TRHDE: variants seen among roughly 807,000 people sequenced by gnomAD.
TRHDE encodes the protein thyrotropin-releasing hormone-degrading ectoenzyme.
In TRHDE, 72 loss-of-function variants were observed where a neutral mutation model predicts 125.7. The observed-to-expected ratio is 0.57, with a 90% CI of 0.47 to 0.70. TRHDE has a LOEUF of 0.70. TRHDE is among the 30% of genes least tolerant of loss of function. The probability of loss-of-function intolerance (pLI) is 0.00; values close to 1 mark genes in which losing one functional copy is unlikely to be tolerated. For missense variants in TRHDE, 1,110 were observed against 1,327.1 expected (o/e 0.84, Z 2.54); for synonymous variants, 509 against 509.1 (o/e 1.00, Z 0.00).
At chr12:72,574,345 T>C (rs1024787974) in intron 10 of TRHDE, among the ~76,000 whole-genome samples, 1 of 151,976 alleles carries the variant, frequency 6.6e-6, no homozygotes, top group Admixed American at 6.6e-5. Context: ...ACCCATGTGG[T>C]TTTGATTTTT....
At chr12:72,288,919 A>C (rs1879989964) in intron 2 of TRHDE, among the ~76,000 whole-genome samples, 3 of 152,292 alleles carry the variant, frequency 2.0e-5, no homozygotes, top group Admixed American at 2.0e-4. Context: ...AAAATTTTAG[A>C]TTGCATAACC....
chr12:72,174,363 T>C (rs1876942316), intron 2 of TRHDE, among the ~76,000 whole-genome samples: 1 of 152,214 alleles, frequency 6.6e-6, no homozygotes, highest in African/African-American at 2.4e-5. Flanking sequence ...GGTGGTTTAT[T>C]TGCACAGCAG....
intron 2 of TRHDE, among the ~76,000 whole-genome samples, chr12:72,185,212 T>G (rs1432049660): frequency 6.6e-6 from 1 of 152,206 alleles, no homozygotes; most frequent in African/African-American, 2.4e-5. Context: ...GAGGGTGTAC[T>G]GGGTCCCCCA....
At chr12:72,360,205 C>T in intron 2 of TRHDE, among the ~76,000 whole-genome samples, 1 of 151,592 alleles carries the variant, frequency 6.6e-6, no homozygotes, top group East Asian at 1.9e-4. Context: ...TTAAAAAGAC[C>T]CAGAAAGTAC....
intron 6 of TRHDE, among the ~76,000 whole-genome samples, chr12:72,533,581 G>C (rs995831443): frequency 6.6e-6 from 1 of 151,236 alleles, no homozygotes; most frequent in African/African-American, 2.4e-5. Flanking sequence ...CCCATTTTTA[G>C]TATTTGCATT....
rs145779909 is a variant in TRHDE at position 72,182,962 on chromosome 12, G to A, written n.279+77210G>A. 6.5e-3 allele frequency among the ~76,000 whole-genome samples: 983 copies of A among 152,248 alleles called. 50 individuals are homozygous for A. The highest frequency in any genetic ancestry group is 0.055 in the Admixed American group (835 of 15,288). The stretch of plus-strand genomic sequence containing the variant: ...TGTTATGGGGGAATAGGAATTAGGA[G>A]TCTGTAAAGAGAAATAATATGGGCA... On this transcript the variant is annotated intron_variant and non_coding_transcript_variant, in intron 2 of 4. Transcript: ENST00000548156.
intron 3 of TRHDE, among the ~76,000 whole-genome samples, chr12:72,426,971 C>T (rs1874216256): frequency 6.6e-6 from 1 of 152,024 alleles, no homozygotes. Context: ...TATATATAGT[C>T]CTGACCCTCG....
intron 12 of TRHDE, among the ~76,000 whole-genome samples, chr12:72,584,515 T>C (rs1256800323): frequency 6.6e-6 from 1 of 152,220 alleles, no homozygotes; most frequent in African/African-American, 2.4e-5. Context: ...AATATAACTA[T>C]AATTTTGAAT....
chr12:72,197,635 AC>A (rs34456305), intron 2 of TRHDE, among the ~76,000 whole-genome samples: 6 of 151,892 alleles, frequency 4.0e-5, no homozygotes, highest in African/African-American at 1.5e-4. Flanking sequence ...TTCCTCTCTA[AC>A]TTCTTGTGTT....
intron 3 of TRHDE, among the ~76,000 whole-genome samples, chr12:72,465,628 AGTT>A (rs1324560231): frequency 6.6e-6 from 1 of 152,024 alleles, no homozygotes; most frequent in Non-Finnish European, 1.5e-5. Flanking sequence ...TGGACATTTG[AGTT>A]GTTCCTAGTT....
At chr12:72,442,093 G>T (rs1455731242) in intron 3 of TRHDE, among the ~76,000 whole-genome samples, 1 of 151,824 alleles carries the variant, frequency 6.6e-6, no homozygotes, top group Non-Finnish European at 1.5e-5. Flanking sequence ...ATGATGCCGG[G>T]ATTATTTGGG....
At chr12:72,234,266 A>T (rs1878300659) in intron 2 of TRHDE, among the ~76,000 whole-genome samples, 1 of 152,178 alleles carries the variant, frequency 6.6e-6, no homozygotes, top group African/African-American at 2.4e-5. Flanking sequence ...TTATCTTCCC[A>T]GCAGCCTCGT....
intron 10 of TRHDE, among the ~76,000 whole-genome samples, chr12:72,570,779 G>A (rs970808795): frequency 6.6e-6 from 1 of 152,036 alleles, no homozygotes; most frequent in Non-Finnish European, 1.5e-5. Context: ...CAGCTGCAGC[G>A]TTTGCGCAGT....
chr12:72,234,725 C>T (rs1878308793), intron 2 of TRHDE, among the ~76,000 whole-genome samples: 1 of 151,904 alleles, frequency 6.6e-6, no homozygotes, highest in African/African-American at 2.4e-5. Flanking sequence ...GTTTTAGGTG[C>T]TTTAAAAAAA....
At chr12:72,624,537 C>T (rs191281900) in intron 15 of TRHDE, among the ~76,000 whole-genome samples, 4 of 151,824 alleles carry the variant, frequency 2.6e-5, no homozygotes, top group African/African-American at 9.7e-5. Context: ...AAATCAGTGA[C>T]ATCAGAATCA....
At chr12:72,417,463 A>G (rs542721269) in intron 3 of TRHDE, among the ~76,000 whole-genome samples, 1 of 152,138 alleles carries the variant, frequency 6.6e-6, no homozygotes, top group Non-Finnish European at 1.5e-5. Flanking sequence ...AGCATTACTC[A>G]GTCTCTCTGT....
chr12:72,132,083 C>T (rs187878748), intron 2 of TRHDE, among the ~76,000 whole-genome samples: 1 of 152,134 alleles, frequency 6.6e-6, no homozygotes, highest in Non-Finnish European at 1.5e-5. Flanking sequence ...GGAGTAAGAG[C>T]GTCTCAGGGG....
In TRHDE at chr12:72,613,705, T is replaced by C. The variant is rs1408682652; in HGVS notation, c.2322-5186T>C. On this transcript the variant is annotated intron_variant, in intron 12 of 18. Coordinates refer to ENST00000261180, the MANE Select transcript of TRHDE (RefSeq NM_013381.3). ...AATAGAGGTGTTTTCAAAGTGTTAG[T>C]TGAACCCAGAAAATAGGTGCCTAAG... is the stretch of plus-strand genomic sequence containing the variant. Among the ~76,000 whole-genome samples the C allele has an allele frequency of 3.3e-5, 5 of 152,260 alleles. No individual in the cohort carries two copies. The East Asian group carries it at 7.7e-4, about 24-fold the overall frequency.
intron 2 of TRHDE, among the ~76,000 whole-genome samples, chr12:72,121,398 T>A (rs1721123091): frequency 6.6e-6 from 1 of 152,200 alleles, no homozygotes. Context: ...TTCCAACTAC[T>A]GTGATGGACA....
Sources: allele counts gnomAD v4.1 joint callset (sites outside exome capture counted in the v4.1 genomes callset), GRCh38; gene constraint gnomAD v4.1.1; transcripts MANE v1.5; gene names NCBI Gene and HGNC (gene_info 2026-07-23, HGNC 2026-07-21).